GPHN: variants seen among roughly 807,000 people sequenced by gnomAD.
GPHN encodes gephyrin.
Under a neutral mutation model 95.5 loss-of-function variants are expected in GPHN, and 17 were observed. The ratio of observed to expected loss-of-function variants is 0.18; its 90% CI spans 0.12 to 0.27. GPHN has a LOEUF of 0.27. Among genes scored for constraint, GPHN ranks in the 10% least tolerant of loss-of-function variants. The pLI, the probability that GPHN is intolerant of heterozygous loss-of-function variation, is 1.00. For missense variants in GPHN, 660 were observed against 978.1 expected (o/e 0.67, Z 4.34); for synonymous variants, 320 against 322.5 (o/e 0.99, Z 0.08).
the GPHN span, among the ~76,000 whole-genome samples, chr14:67,454,838 C>T: frequency 6.6e-6 from 1 of 151,554 alleles, no homozygotes; most frequent in African/African-American, 2.4e-5. Flanking sequence ...CCCTGAGGGG[C>T]GCCCTGTCCC....
intron 3 of GPHN, among the ~76,000 whole-genome samples, chr14:66,785,270 G>A (rs1161294186): frequency 6.6e-6 from 1 of 152,206 alleles, no homozygotes; most frequent in Non-Finnish European, 1.5e-5. Context: ...GGAGGCTGAG[G>A]CAGGAGAATC....
In GPHN at chr14:66,797,021, C is replaced by CTT. The variant is rs369681377; in HGVS notation, c.201+20520_201+20521dup. On this transcript the variant is annotated intron_variant, in intron 3 of 22. Transcript: ENST00000478722. ...ATGGTGAGACATAGGTATCTAGTTC[C>CTT]TTTTTTTTTTTTTTTTTTTTTGCAT... Among the ~76,000 whole-genome samples, 321 of 81,216 alleles carry CTT rather than the reference C, an allele frequency of 4.0e-3. 9 individuals are homozygous for CTT. Among genetic ancestry groups the CTT allele is most frequent in the African/African-American group, 0.01 (217 of 21,188 alleles). 53.3% of individuals were successfully genotyped at this position (81,216 alleles called of 152,430 possible). A position where few individuals can be genotyped will look rare whatever the true frequency, so the allele number is the denominator to read the frequency against.
chr14:67,368,138 A>G, the GPHN span, among the ~76,000 whole-genome samples: 2 of 152,164 alleles, frequency 1.3e-5, no homozygotes, highest in Non-Finnish European at 2.9e-5. Flanking sequence ...AGGAGTCACA[A>G]GGAACTAGGG....
chr14:66,840,028 C>A (rs934133516), intron 4 of GPHN, among the ~76,000 whole-genome samples: 1 of 152,042 alleles, frequency 6.6e-6, no homozygotes, highest in Non-Finnish European at 1.5e-5. Flanking sequence ...CCTGTAATCC[C>A]AGCACTTTGG....
chr14:66,748,228 A>C (rs1186757612), intron 2 of GPHN, among the ~76,000 whole-genome samples: 1 of 152,106 alleles, frequency 6.6e-6, no homozygotes, highest in African/African-American at 2.4e-5. Context: ...CTTTTACTAT[A>C]GTACTTATTA....
At chr14:67,562,977 A>C in the GPHN span, 12 of 1,395,974 alleles carry the variant, frequency 8.6e-6, no homozygotes, top group Non-Finnish European at 1.2e-5. Flanking sequence ...TGCACTGAGC[A>C]GGAGAGGAGG....
chr14:67,718,841 G>T, the GPHN span, among the ~76,000 whole-genome samples: 1 of 151,512 alleles, frequency 6.6e-6, no homozygotes, highest in Non-Finnish European at 1.5e-5. Flanking sequence ...AGAATGTCTC[G>T]ATACCAGTTT....
the GPHN span, among the ~76,000 whole-genome samples, chr14:67,700,911 G>A: frequency 6.7e-6 from 1 of 148,934 alleles, no homozygotes; most frequent in South Asian, 2.1e-4. Flanking sequence ...TCTAATCCCA[G>A]CTACTCGGAG....
At chr14:67,458,312 TAC>T in the GPHN span, among the ~76,000 whole-genome samples, 620 of 152,230 alleles carry the variant, frequency 4.1e-3, 1 homozygote, top group Non-Finnish European at 6.8e-3. Context: ...TGATGTGCGG[TAC>T]AGTGTCCTTT....
intron 4 of GPHN, among the ~76,000 whole-genome samples, chr14:66,845,238 A>G (rs568359241): frequency 6.6e-6 from 1 of 152,206 alleles, no homozygotes; most frequent in Admixed American, 6.5e-5. Context: ...AATGGATTCA[A>G]TAGCATTTAA....
the GPHN span, among the ~76,000 whole-genome samples, chr14:67,274,814 G>A: frequency 2.4e-4 from 36 of 152,146 alleles, no homozygotes; most frequent in African/African-American, 7.2e-4. Flanking sequence ...GTGGTTTCTA[G>A]TTCTCCTTGA....
chr14:67,139,064 A>G (rs988158643), intron 17 of GPHN, among the ~76,000 whole-genome samples: 4 of 151,714 alleles, frequency 2.6e-5, no homozygotes, highest in Admixed American at 2.6e-4. Context: ...TCTACTAAAA[A>G]TACAAAACAT....
Position 67,181,118 on chromosome 14 carries a change from A to T in GPHN, c.*181A>T. On this transcript the variant is annotated 3_prime_UTR_variant, in exon 23 of 23. Coordinates refer to ENST00000478722, the MANE Select transcript of GPHN (RefSeq NM_020806.5). ...TAAAGAAAAAAACACCTAAAAATAA[A>T]TCTTAACAGAAAATTCTGTTCTGAT... 1 of 674,770 alleles carries T rather than the reference A, an allele frequency of 1.5e-6. No individual in the cohort carries two copies. Among genetic ancestry groups the T allele is most frequent in the Non-Finnish European group, 2.5e-6 (1 of 403,684 alleles). 41.8% of individuals were successfully genotyped at this position (674,770 alleles called of 1,614,324 possible).
the GPHN span, among the ~76,000 whole-genome samples, chr14:67,372,259 A>T: frequency 1.3e-5 from 2 of 152,212 alleles, no homozygotes; most frequent in African/African-American, 4.8e-5. Flanking sequence ...CCATATGCAA[A>T]AAAGAACCTC....
intron 11 of GPHN, among the ~76,000 whole-genome samples, chr14:67,082,840 T>G (rs1394821015): frequency 6.6e-6 from 1 of 152,202 alleles, no homozygotes; most frequent in African/African-American, 2.4e-5. Context: ...TATGTAATGT[T>G]TCATTGTATA....
the GPHN span, chr14:67,614,880 A>G: frequency 2.0e-5 from 3 of 149,126 alleles, no homozygotes; most frequent in African/African-American, 7.5e-5. Context: ...TCTGTATGGT[A>G]GAAATACTGT....
the GPHN span, among the ~76,000 whole-genome samples, chr14:67,500,593 A>C: frequency 7.1e-6 from 1 of 140,478 alleles, no homozygotes; most frequent in Admixed American, 7.2e-5. Context: ...TTTTTTTGAG[A>C]TGGAGTCTCG....
intron 1 of GPHN, among the ~76,000 whole-genome samples, chr14:66,566,200 CCTTAAA>C (rs1417676893): frequency 6.6e-6 from 1 of 151,878 alleles, no homozygotes; most frequent in Admixed American, 6.6e-5. Context: ...CCTTGGAGAA[CCTTAAA>C]CTTAAAGCAT....
chr14:66,541,498 A>G (rs1246032574), intron 1 of GPHN, among the ~76,000 whole-genome samples: 1 of 152,214 alleles, frequency 6.6e-6, no homozygotes, highest in Non-Finnish European at 1.5e-5. Context: ...GAACAAAAAT[A>G]CCTATGAAGA....
Sources: gnomAD v4.1 joint callset for allele counts (sites outside exome capture counted in the v4.1 genomes callset) on GRCh38, gnomAD v4.1.1 for gene constraint, MANE v1.5 for transcripts, NCBI Gene and HGNC (gene_info 2026-07-23, HGNC 2026-07-21) for gene names.